CSMD1: variants seen among roughly 807,000 people sequenced by gnomAD.
CSMD1 encodes the protein CUB and Sushi multiple domains 1, also known as CUB and sushi domain-containing protein 1.
In CSMD1, 213 loss-of-function variants were observed where a neutral mutation model predicts 417.5. That is an observed-to-expected ratio of 0.51 (90% confidence interval 0.46 to 0.57). The LOEUF (loss-of-function observed/expected upper bound fraction) is 0.57. CSMD1 is among the 20% of genes least tolerant of loss of function. CSMD1 has a pLI of 0.00. For missense variants in CSMD1, 6,923 were observed against 4,529.7 expected (o/e 1.53, Z -15.17); for synonymous variants, 2,862 against 1,736.8 (o/e 1.65, Z -16.11).
intron 2 of CSMD1, among the ~76,000 whole-genome samples, chr8:4,526,892 T>C (rs1796542176): frequency 1.3e-5 from 2 of 152,144 alleles, no homozygotes; most frequent in Non-Finnish European, 2.9e-5. Context: ...CAGAAGACTA[T>C]TGTGAATGAT....
intron 23 of CSMD1, among the ~76,000 whole-genome samples, chr8:3,319,050 T>A (rs1248455118): frequency 2.0e-5 from 3 of 152,226 alleles, no homozygotes; most frequent in Non-Finnish European, 2.9e-5. Context: ...GAATGGAATT[T>A]GATTATCCTC....
chr8:4,466,717 G>A (rs1238759361), intron 2 of CSMD1, among the ~76,000 whole-genome samples: 1 of 151,884 alleles, frequency 6.6e-6, no homozygotes, highest in Non-Finnish European at 1.5e-5. Context: ...ATTTTAAAAT[G>A]GTGTACAACA....
intron 3 of CSMD1, among the ~76,000 whole-genome samples, chr8:4,363,901 G>C (rs1290581570): frequency 6.6e-6 from 1 of 152,170 alleles, no homozygotes; most frequent in Non-Finnish European, 1.5e-5. Context: ...CCAGAGTCTA[G>C]AAAGGGTGTA....
At chr8:3,522,825 G>A (rs568392243) in intron 10 of CSMD1, among the ~76,000 whole-genome samples, 62 of 150,618 alleles carry the variant, frequency 4.1e-4, no homozygotes, top group African/African-American at 1.5e-3. Flanking sequence ...TATTTTATTT[G>A]ACATATAATT....
intron 2 of CSMD1, among the ~76,000 whole-genome samples, chr8:4,424,408 A>C (rs958334851): frequency 1.3e-5 from 2 of 152,060 alleles, no homozygotes. Flanking sequence ...CCTAAAGGAC[A>C]TCCAGACGGC....
chr8:3,491,192 G>C (rs999652), intron 11 of CSMD1, among the ~76,000 whole-genome samples: 19,586 of 152,086 alleles, frequency 0.13, 1,402 homozygotes, highest in East Asian at 0.29. Flanking sequence ...CAGGTAAAAA[G>C]CATGGTAGGT....
At chr8:4,115,129 T>A (rs1275665970) in intron 3 of CSMD1, among the ~76,000 whole-genome samples, 1 of 152,140 alleles carries the variant, frequency 6.6e-6, no homozygotes, top group Non-Finnish European at 1.5e-5. Flanking sequence ...AAAAAGTCCA[T>A]AGATGAGGCA....
intron 1 of CSMD1, among the ~76,000 whole-genome samples, chr8:4,834,287 T>C (rs994599113): frequency 1.3e-5 from 2 of 152,220 alleles, no homozygotes; most frequent in Admixed American, 6.5e-5. Context: ...AAATCATTTA[T>C]GTGCTACACG....
intron 29 of CSMD1, among the ~76,000 whole-genome samples, chr8:3,217,029 T>G (rs1482109771): frequency 1.3e-5 from 2 of 152,132 alleles, no homozygotes; most frequent in Non-Finnish European, 2.9e-5. Flanking sequence ...CCAGGCTAGA[T>G]GCAATGACAT....
intron 2 of CSMD1, among the ~76,000 whole-genome samples, chr8:4,602,188 G>A (rs1321486341): frequency 6.6e-6 from 1 of 152,130 alleles, no homozygotes; most frequent in Non-Finnish European, 1.5e-5. Flanking sequence ...CTTATTTCAT[G>A]TCTTGAGGCA....
At chr8:3,712,314 G>T (rs551552185) in intron 6 of CSMD1, among the ~76,000 whole-genome samples, 2 of 151,648 alleles carry the variant, frequency 1.3e-5, no homozygotes, top group Middle Eastern at 3.2e-3. Flanking sequence ...CCCTTCCCTC[G>T]CCTCTTCCTC....
intron 9 of CSMD1, among the ~76,000 whole-genome samples, chr8:3,576,057 T>G (rs963242293): frequency 1.3e-5 from 2 of 152,140 alleles, no homozygotes; most frequent in African/African-American, 2.4e-5. Context: ...GGATTAATCC[T>G]CGTCATAGCC....
chr8:4,642,390 C>G (rs1315352545), intron 1 of CSMD1, among the ~76,000 whole-genome samples: 1 of 152,144 alleles, frequency 6.6e-6, no homozygotes, highest in African/African-American at 2.4e-5. Flanking sequence ...GAACACCCCC[C>G]TACAGTTGGT....
intron 5 of CSMD1, among the ~76,000 whole-genome samples, chr8:3,776,398 G>A (rs150494488): frequency 2.6e-5 from 4 of 152,182 alleles, no homozygotes; most frequent in Admixed American, 2.6e-4. Flanking sequence ...AAGAGGCGCT[G>A]CAAGGGCTGA....
intron 5 of CSMD1, among the ~76,000 whole-genome samples, chr8:3,992,304 C>G (rs955414352): frequency 6.6e-6 from 1 of 152,050 alleles, no homozygotes; most frequent in Non-Finnish European, 1.5e-5. Flanking sequence ...ACCTGGAGTA[C>G]GCAAGTTTAC....
intron 6 of CSMD1, among the ~76,000 whole-genome samples, chr8:3,717,297 A>T (rs1347005214): frequency 6.6e-6 from 1 of 152,218 alleles, no homozygotes; most frequent in Non-Finnish European, 1.5e-5. Flanking sequence ...TTATCTCAGA[A>T]GTATTTTAAT....
chr8:4,712,643 T>A (rs897594006), intron 1 of CSMD1, among the ~76,000 whole-genome samples: 1 of 152,224 alleles, frequency 6.6e-6, no homozygotes, highest in African/African-American at 2.4e-5. Flanking sequence ...TTGCAGCATC[T>A]TTTTCCTCTA....
chr8:3,005,422 T>A (rs1169858447), intron 52 of CSMD1, among the ~76,000 whole-genome samples: 2 of 152,208 alleles, frequency 1.3e-5, no homozygotes, highest in Non-Finnish European at 2.9e-5. Flanking sequence ...ACTCATTTTA[T>A]GAGGCCAGCA....
At chr8:4,552,448 G>C (rs567482688) in intron 2 of CSMD1, among the ~76,000 whole-genome samples, 1 of 152,070 alleles carries the variant, frequency 6.6e-6, no homozygotes. Context: ...CAATGTGAAG[G>C]TGTAGAAATA....
Sources: gnomAD v4.1 joint callset for allele counts (sites outside exome capture counted in the v4.1 genomes callset) on GRCh38, gnomAD v4.1.1 for gene constraint, MANE v1.5 for transcripts, NCBI Gene and HGNC (gene_info 2026-07-23, HGNC 2026-07-21) for gene names.